Variants in ART5 observed in about 807,000 individuals in gnomAD.
ART5 encodes the protein ecto-ADP-ribosyltransferase 5.
ART5 carries 22 observed loss-of-function variants against 25.0 expected under a neutral mutation model. The ratio of observed to expected loss-of-function variants is 0.88; its 90% CI spans 0.63 to 1.26. The LOEUF is 1.26. Among genes scored for constraint, ART5 ranks in the 50% most tolerant of loss-of-function variants. The probability of loss-of-function intolerance (pLI) is 0.00; values close to 1 mark genes in which losing one functional copy is unlikely to be tolerated. For synonymous variants in ART5, 161 were observed against 154.8 expected, an observed-to-expected ratio of 1.04 and a Z score of -0.30; for missense variants, 402 against 372.8, an observed-to-expected ratio of 1.08 and a Z score of -0.64.
Position 3,640,156 on chromosome 11 carries a change from C to G in ART5, c.273G>C (p.Gln91His). The change falls in exon 2 of 4, where the codon CAG (glutamine) becomes CAC (histidine). Residue 91 changes from glutamine (Q) to histidine (H), a missense_variant. By Grantham distance (24) the Gln-to-His change is conservative (BLOSUM62 0). Coordinates refer to ENST00000397068, the MANE Select transcript of ART5 (RefSeq NM_053017.5). ...TGTAGACCATAATGGCTATTCCATT[C>G]TGGGCTTTGAAGCCAGGGGGCAAGG... ...GLTLPPGFKAQNGIAIMVYTN... is the reference protein window; with the variant it reads ...GLTLPPGFKAHNGIAIMVYTN... 2 of 1,614,166 alleles carry G rather than the reference C, an allele frequency of 1.2e-6. No homozygotes were observed. The highest frequency in any genetic ancestry group is 1.7e-6 in the Non-Finnish European group (2 of 1,180,052).
chr11:3,642,099 G>C (rs2077411158), upstream of ART5: 3 of 1,401,360 alleles, frequency 2.1e-6, no homozygotes, highest in Non-Finnish European at 2.8e-6. Context: ...CTCCAGTCTG[G>C]GGACCTTTCC....
chr11:3,641,845 C>G lies in ART5; in HGVS notation c.18G>C (p.Leu6Phe), dbSNP rs1166326002. 3 of 1,576,222 alleles carry G rather than the reference C, an allele frequency of 1.9e-6. No individual in the cohort carries two copies. Among genetic ancestry groups the G allele is most frequent in the Non-Finnish European group, 2.6e-6 (3 of 1,161,778 alleles). Residue 6 changes from leucine (L) to phenylalanine (F), a missense_variant, in exon 1 of 4, where the codon TTG becomes TTC. Leu to Phe is a conservative substitution (Grantham distance 22). Coordinates refer to ENST00000397068, the MANE Select transcript of ART5 (RefSeq NM_053017.5). ...GGCCGAGGCTGCCGAGGGCGATCAT[C>G]AAAGCCGCCAGCGCCATCCCTGGAG... MALAALMIALGSLGLH... is the reference protein window; with the variant it reads MALAAFMIALGSLGLH...
intron 3 of ART5, 68 bp from the exon 4 acceptor site, chr11:3,638,861 C>T (rs755714867): frequency 1.2e-6 from 2 of 1,613,706 alleles, no homozygotes; most frequent in East Asian, 2.2e-5. Context: ...GGGCCAAGAG[C>T]AGAGTCTTCC....
At chr11:3,639,150 A>AGGTG in intron 2 of ART5, 115 bp from the exon 3 acceptor site, 8 of 1,176,100 alleles carry the variant, frequency 6.8e-6, no homozygotes, top group Non-Finnish European at 9.6e-6. Context: ...CCCTTCACCT[A>AGGTG]AAGGGAAACT....
At position 3,639,756 on chromosome 11, in the gene ART5, G is replaced by A. The variant is rs754230688; in HGVS notation, c.673C>T (p.Pro225Ser). 1.2e-6 allele frequency: 2 copies of A among 1,614,032 alleles called. No homozygotes were observed. The highest frequency in any genetic ancestry group is 1.1e-5 in the South Asian group (1 of 91,074). Reference protein sequence around the residue: ...VFPKEREVLIPPHEVFLVTRF... With the variant: ...VFPKEREVLISPHEVFLVTRF... ...GTAACCAAAAAGACTTCATGGGGGG[G>A]AATCAGCACCTCGCGCTCCTTGGGA... The change falls in exon 2 of 4, where the codon CCC becomes TCC. Residue 225 changes from proline (P) to serine (S), a missense_variant. Coordinates refer to ENST00000397068, the MANE Select transcript of ART5 (RefSeq NM_053017.5).
intron 2 of ART5, among the ~76,000 whole-genome samples, 170 bp from the exon 3 acceptor site, chr11:3,639,205 T>C (rs2077356252): frequency 1.3e-5 from 2 of 152,210 alleles, no homozygotes; most frequent in South Asian, 4.1e-4. Context: ...TCTTTCCAGA[T>C]TGCCTTTCCA....
At chr11:3,639,372 TA>T (rs1352282466) in intron 2 of ART5, among the ~76,000 whole-genome samples, 1 of 152,170 alleles carries the variant, frequency 6.6e-6, no homozygotes, top group East Asian at 1.9e-4. Flanking sequence ...CTAATCTCCT[TA>T]ACCAGGTTCT....
chr11:3,640,552 G>A (rs886484405), intron 1 of ART5, among the ~76,000 whole-genome samples, 181 bp from the exon 2 acceptor site: 11 of 146,838 alleles, frequency 7.5e-5, no homozygotes, highest in African/African-American at 2.8e-4. Context: ...GAGTCAGTCA[G>A]ACATGGACTG....
upstream of ART5, chr11:3,642,156 G>C (rs1306109690): frequency 7.8e-7 from 1 of 1,284,102 alleles, no homozygotes; most frequent in African/African-American, 1.5e-5. Flanking sequence ...TGAGAGGGGA[G>C]GGCCGGGGGC....
At position 3,638,813 on chromosome 11, in the gene ART5, C is replaced by A; in HGVS notation, c.821-20G>T. On this transcript the variant is annotated intron_variant, in intron 3 of 3. Coordinates refer to ENST00000397068, the MANE Select transcript of ART5 (RefSeq NM_053017.5). ...GGGCTCCTAAGTGGCAGATGTTGGA[C>A]TTTCAGGGCCCAACCCCTGAGAGCT... is the stretch of plus-strand genomic sequence containing the variant. The A allele has an allele frequency of 6.2e-7, 1 of 1,614,160 alleles. No individual in the cohort carries two copies. The highest frequency in any genetic ancestry group is 8.5e-7 in the Non-Finnish European group (1 of 1,180,002).
Position 3,640,220 on chromosome 11 carries a change from G to C in ART5, c.209C>G (p.Ala70Gly). The C allele has an allele frequency of 6.2e-7, 1 of 1,613,890 alleles. No homozygotes were observed. Among genetic ancestry groups the C allele is most frequent in the African/African-American group, 1.3e-5 (1 of 75,070 alleles). Residue 70 changes from alanine (A) to glycine (G), a missense_variant, in exon 2 of 4, where the codon GCA becomes GGA. By Grantham distance (60) the Ala-to-Gly change is moderately conservative. Transcript: ENST00000397068. ...CTTGTCCTCCCAGGTCTCCTGGGCT[G>C]CCTCCCAGGATTCCCGCAGCAGGGC... ...HHALLRESWE[A>G]AQETWEDKRR...
In ART5 at chr11:3,640,330, G is replaced by A. The variant is rs2133928841; in HGVS notation, c.99C>T (p.Asp33=). The A allele has an allele frequency of 2.5e-6, 4 of 1,590,932 alleles. No individual in the cohort carries two copies. The highest frequency in any genetic ancestry group is 1.7e-4 in the Middle Eastern group (1 of 6,022). The change falls in exon 2 of 4, where the codon GAC becomes GAT. Residue 33 remains aspartate (D), a synonymous_variant. Transcript: ENST00000397068. ...AACCCACATAGGTATCGTCAAAGGT[G>A]TCTGGAGCCAGGCCCAGGGGCAGGA... ...VPILPLGLAP[D]TFDDTYVGCA...
chr11:3,639,758 A>T lies in ART5; in HGVS notation c.671T>A (p.Ile224Asn). 1 of 1,614,188 alleles carries T rather than the reference A, an allele frequency of 6.2e-7. No individual in the cohort carries two copies. ...SVFPKEREVL[I>N]PPHEVFLVTR... ...AACCAAAAAGACTTCATGGGGGGGA[A>T]TCAGCACCTCGCGCTCCTTGGGAAA... Residue 224 changes from isoleucine to asparagine, a missense_variant, in exon 2 of 4, where the codon ATT (isoleucine) becomes AAT (asparagine). By Grantham distance (149) the Ile-to-Asn change is moderately radical. Transcript: ENST00000397068.
chr11:3,639,881 G>C lies in ART5; in HGVS notation c.548C>G (p.Ser183Cys). ...GGCCACTGCCTTATCCAGGGAGCTG[G>C]AGGCAAACTGGCCCAAGCGGACAGA... ...GDSVRLGQFA[S>C]SSLDKAVAHR... The change falls in exon 2 of 4, where the codon TCC becomes TGC. Residue 183 changes from serine to cysteine, a missense_variant. Coordinates refer to ENST00000397068, the MANE Select transcript of ART5 (RefSeq NM_053017.5). 2.5e-6 allele frequency: 4 copies of C among 1,614,180 alleles called. No individual in the cohort carries two copies. Among genetic ancestry groups the C allele is most frequent in the Non-Finnish European group, 3.4e-6 (4 of 1,180,020 alleles).
chr11:3,639,686 C>T lies in ART5; in HGVS notation c.743G>A (p.Ser248Asn). 1.2e-6 allele frequency: 2 copies of T among 1,613,940 alleles called. No homozygotes were observed. Among genetic ancestry groups the T allele is most frequent in the South Asian group, 1.1e-5 (1 of 91,080 alleles). ...AAAATGGCTACAGGTCTGATTATAG[C>T]TCCAGAGAGTCACCAAGCTCTGGGC... ...DGAQSLVTLWSYNQTCSHFNC... is the reference protein window; with the variant it reads ...DGAQSLVTLWNYNQTCSHFNC... The change falls in exon 2 of 4, where the codon AGC (serine) becomes AAC (asparagine). Residue 248 changes from serine (S) to asparagine (N), a missense_variant. Ser to Asn is a conservative substitution (Grantham distance 46). Coordinates refer to ENST00000397068, the MANE Select transcript of ART5 (RefSeq NM_053017.5).
At chr11:3,642,126 G>C (rs1589909638), upstream of ART5, 4 of 1,327,044 alleles carry the variant, frequency 3.0e-6, no homozygotes, top group South Asian at 8.1e-5. Flanking sequence ...GTAAAGGCGG[G>C]GCCGCAGTTT....
At chr11:3,641,752 AGG>A (rs981372697) in intron 1 of ART5, 52 bp downstream of exon 1, 2 of 1,552,510 alleles carry the variant, frequency 1.3e-6, no homozygotes, top group African/African-American at 2.7e-5. Flanking sequence ...CCACTTCCTC[AGG>A]GTCTGTCCCT....
At position 3,640,089 on chromosome 11, in the gene ART5, C is replaced by A; in HGVS notation, c.340G>T (p.Val114Leu). ...TCCCGGGAGCCTCCGCCCGTCCGCA[C>A]GGCCTGATTCAACTCCCAGTACAAG... ...NTLYWELNQA[V>L]RTGGGSRELY... The change falls in exon 2 of 4, where the codon GTG (valine) becomes TTG (leucine). Residue 114 changes from valine (V) to leucine (L), a missense_variant. By Grantham distance (32) the Val-to-Leu change is conservative (BLOSUM62 1). Transcript: ENST00000397068. 5 of 1,614,214 alleles carry A rather than the reference C, an allele frequency of 3.1e-6. No individual in the cohort carries two copies. Among genetic ancestry groups the A allele is most frequent in the Non-Finnish European group, 4.2e-6 (5 of 1,180,058 alleles).
At position 3,641,888 on chromosome 11, in the gene ART5, G is replaced by T; in HGVS notation, c.-26C>A. On this transcript the variant is annotated 5_prime_UTR_variant, in exon 1 of 4. Coordinates refer to ENST00000397068, the MANE Select transcript of ART5 (RefSeq NM_053017.5). ...CCCTGGAGGAGACGTGAGGGCCAGG[G>T]GTCCGGGTGAGGGCGGGACCAGAGG... 3 of 1,557,834 alleles carry T rather than the reference G, an allele frequency of 1.9e-6. No individual in the cohort carries two copies. Among genetic ancestry groups the T allele is most frequent in the South Asian group, 1.2e-5 (1 of 84,932 alleles).
Sources: allele counts gnomAD v4.1 joint callset (sites outside exome capture counted in the v4.1 genomes callset), GRCh38; gene constraint gnomAD v4.1.1; transcripts MANE v1.5; gene names NCBI Gene and HGNC (gene_info 2026-07-23, HGNC 2026-07-21).